The following FBXL17 variants were observed in gnomAD, a reference collection of about 807,000 sequenced individuals.
The protein encoded by FBXL17 is F-box/LRR-repeat protein 17.
In FBXL17, 22 loss-of-function variants were observed where a neutral mutation model predicts 66.2. The observed-to-expected ratio is 0.33, with a 90% CI of 0.24 to 0.47. The LOEUF (loss-of-function observed/expected upper bound fraction) is 0.47. FBXL17 is among the 20% of genes least tolerant of loss of function. The pLI, the probability that FBXL17 is intolerant of heterozygous loss-of-function variation, is 1.00. For synonymous variants in FBXL17, 474 were observed against 400.5 expected (o/e 1.18, Z -2.19); for missense variants, 878 against 948.2 (o/e 0.93, Z 0.97).
intron 3 of FBXL17, among the ~76,000 whole-genome samples, chr5:108,349,840 T>C (rs1747529320): frequency 6.6e-6 from 1 of 152,170 alleles, no homozygotes; most frequent in South Asian, 2.1e-4. Flanking sequence ...GGAAAGCAGA[T>C]TTTTTAAAAG....
chr5:108,375,839 C>T (rs1278154945), intron 1 of FBXL17, among the ~76,000 whole-genome samples: 1 of 152,132 alleles, frequency 6.6e-6, no homozygotes, highest in Non-Finnish European at 1.5e-5. Context: ...AGACCAATGT[C>T]CCTTATGAAT....
At chr5:107,925,663 C>T (rs2112567321) in intron 7 of FBXL17, among the ~76,000 whole-genome samples, 1 of 152,280 alleles carries the variant, frequency 6.6e-6, no homozygotes, top group South Asian at 2.1e-4. Context: ...CTTGCAGAAA[C>T]CCCCAAGCGG....
rs374652490 is a variant in FBXL17, at chr5:108,341,243, T to C, written c.1506+7156A>G. 2.5e-4 allele frequency among the ~76,000 whole-genome samples: 38 copies of C among 152,274 alleles called. No homozygotes were observed. The South Asian group carries it at 7.7e-3, about 31-fold the overall frequency. Reference sequence around the variant, plus strand: ...ATGCAAATTGTAGACTCATATATACTTTGTGAGACCAGATATTTAACCATA... The same window carrying C: ...ATGCAAATTGTAGACTCATATATACCTTGTGAGACCAGATATTTAACCATA... On this transcript the variant is annotated intron_variant, in intron 4 of 8. Coordinates refer to ENST00000542267, the MANE Select transcript of FBXL17 (RefSeq NM_001163315.3).
chr5:108,237,173 G>A (rs1755644429), intron 4 of FBXL17, among the ~76,000 whole-genome samples: 1 of 152,022 alleles, frequency 6.6e-6, no homozygotes, highest in Admixed American at 6.6e-5. Flanking sequence ...TCTAATGAAG[G>A]GTTTATTTCA....
chr5:107,953,776 T>C (rs1751575655), intron 7 of FBXL17, among the ~76,000 whole-genome samples: 1 of 152,232 alleles, frequency 6.6e-6, no homozygotes, highest in Non-Finnish European at 1.5e-5. Context: ...AATAAGTCTT[T>C]GGTATAGCGA....
At chr5:108,378,339 TTG>T (rs1749596098) in intron 1 of FBXL17, among the ~76,000 whole-genome samples, 1 of 134,200 alleles carries the variant, frequency 7.5e-6, no homozygotes, top group African/African-American at 3.1e-5. Flanking sequence ...TTTTGTTTTT[TTG>T]TTTTGTTTTG....
chr5:107,941,699 G>T, intron 7 of FBXL17, among the ~76,000 whole-genome samples: 1 of 152,120 alleles, frequency 6.6e-6, no homozygotes, highest in East Asian at 1.9e-4. Flanking sequence ...TATAGAAAGA[G>T]AAACTCTTCA....
chr5:108,151,773 G>A (rs1024704540), intron 6 of FBXL17, among the ~76,000 whole-genome samples: 2 of 152,120 alleles, frequency 1.3e-5, no homozygotes, highest in Non-Finnish European at 2.9e-5. Context: ...GAAAAACCTG[G>A]CAGACATTCA....
At chr5:108,270,431 T>C (rs572128363) in intron 4 of FBXL17, among the ~76,000 whole-genome samples, 1 of 134,148 alleles carries the variant, frequency 7.5e-6, no homozygotes, top group African/African-American at 2.5e-5. Flanking sequence ...ATTTTAATTA[T>C]ATTTATAATT....
At chr5:108,318,289 C>T (rs1251556329) in intron 4 of FBXL17, among the ~76,000 whole-genome samples, 1 of 151,676 alleles carries the variant, frequency 6.6e-6, no homozygotes, top group African/African-American at 2.4e-5. Context: ...TTGTTTTTTA[C>T]CTTTGCTATG....
chr5:108,137,521 A>C (rs1235673670), intron 6 of FBXL17, among the ~76,000 whole-genome samples: 1 of 152,140 alleles, frequency 6.6e-6, no homozygotes, highest in East Asian at 1.9e-4. Flanking sequence ...GCATGAGAAT[A>C]AAGTGGCATG....
chr5:108,381,146 C>T lies in FBXL17; in HGVS notation c.546G>A (p.Pro182=). Residue 182 remains proline (P), a synonymous_variant, in exon 1 of 9, where the codon CCG becomes CCA. Coordinates refer to ENST00000542267, the MANE Select transcript of FBXL17 (RefSeq NM_001163315.3). ...TAGGGAGCTCGGCCGGTGACGGTGTCGGCCCCCGGAAGAGCTGCACGGCGG... is the reference window on the plus strand; with the variant it reads ...TAGGGAGCTCGGCCGGTGACGGTGTTGGCCCCCGGAAGAGCTGCACGGCGG... ...PPAAVQLFRG[P]TPSPAELPTP... The T allele has an allele frequency of 2.1e-6, 3 of 1,395,458 alleles. No individual in the cohort carries two copies. Among genetic ancestry groups the T allele is most frequent in the Non-Finnish European group, 2.8e-6 (3 of 1,077,422 alleles). 86.4% of individuals were successfully genotyped at this position (1,395,458 alleles called of 1,614,324 possible).
chr5:108,309,544 A>G (rs1454406041), intron 4 of FBXL17, among the ~76,000 whole-genome samples: 2 of 152,072 alleles, frequency 1.3e-5, no homozygotes, highest in Non-Finnish European at 2.9e-5. Context: ...AGAAAATTTT[A>G]AATATCAAAT....
chr5:108,254,776 C>T (rs1036118658), intron 4 of FBXL17, among the ~76,000 whole-genome samples: 7 of 152,170 alleles, frequency 4.6e-5, no homozygotes, highest in Non-Finnish European at 8.8e-5. Context: ...GACAGCCCTA[C>T]CCTCTGCTTT....
At position 108,241,134 on chromosome 5, in the gene FBXL17, G is replaced by A. The variant is rs1461462843; in HGVS notation, c.1507-16906C>T. 2.0e-5 allele frequency among the ~76,000 whole-genome samples: 3 copies of A among 152,068 alleles called. No individual in the cohort carries two copies. The East Asian group carries it at 5.8e-4, about 29-fold the overall frequency. On this transcript the variant is annotated intron_variant, in intron 4 of 8. Transcript: ENST00000542267. ...TCCAAAAGCCCATCCTGGAAAATAT[G>A]ACATTACCAAACAAACTAAATAAGG... is the stretch of plus-strand genomic sequence containing the variant.
chr5:107,963,817 A>G (rs1043470377), intron 7 of FBXL17, among the ~76,000 whole-genome samples: 3 of 152,164 alleles, frequency 2.0e-5, no homozygotes, highest in African/African-American at 4.8e-5. Flanking sequence ...AGAAACAAAT[A>G]AACAATTTTA....
intron 3 of FBXL17, among the ~76,000 whole-genome samples, chr5:108,360,500 T>C (rs1274804906): frequency 1.3e-5 from 2 of 152,158 alleles, no homozygotes; most frequent in Non-Finnish European, 2.9e-5. Context: ...GTCACTTATC[T>C]TTTGCTGCTT....
chr5:108,190,464 A>G (rs1303659560), intron 5 of FBXL17, among the ~76,000 whole-genome samples: 1 of 152,202 alleles, frequency 6.6e-6, no homozygotes, highest in Non-Finnish European at 1.5e-5. Flanking sequence ...ACCCTTACTC[A>G]TGGGAAGATG....
intron 6 of FBXL17, among the ~76,000 whole-genome samples, chr5:108,150,600 T>C (rs980036392): frequency 6.6e-6 from 1 of 152,222 alleles, no homozygotes; most frequent in African/African-American, 2.4e-5. Flanking sequence ...TTTGCTCTTG[T>C]GTTTCATCAC....
Sources: allele counts gnomAD v4.1 joint callset (sites outside exome capture counted in the v4.1 genomes callset), GRCh38; gene constraint gnomAD v4.1.1; transcripts MANE v1.5; gene names NCBI Gene and HGNC (gene_info 2026-07-23, HGNC 2026-07-21).